STPG2: variants seen among roughly 807,000 people sequenced by gnomAD.
STPG2 encodes sperm tail PG-rich repeat containing 2.
Under a neutral mutation model 54.2 loss-of-function variants are expected in STPG2, and 56 were observed. The observed-to-expected ratio is 1.03, with a 90% CI of 0.83 to 1.29. The LOEUF (loss-of-function observed/expected upper bound fraction) is 1.29, where lower values mean the gene tolerates loss of function less well. Among genes scored for constraint, STPG2 ranks in the 50% most tolerant of loss-of-function variants. The pLI is 0.00. For synonymous variants in STPG2, 200 were observed against 181.8 expected, an observed-to-expected ratio of 1.10 and a Z score of -0.81; for missense variants, 596 against 544.9, an observed-to-expected ratio of 1.09 and a Z score of -0.93.
chr4:97,505,930 A>T (rs1355213564), intron 4 of STPG2, among the ~76,000 whole-genome samples: 4 of 149,236 alleles, frequency 2.7e-5, no homozygotes, highest in African/African-American at 7.4e-5. Context: ...AGAGGTTTTT[A>T]TATAAAATTG....
intron 10 of STPG2, among the ~76,000 whole-genome samples, chr4:97,697,912 G>A (rs1165106388): frequency 1.3e-5 from 2 of 152,174 alleles, no homozygotes; most frequent in African/African-American, 4.8e-5. Context: ...TTCTCGTGAG[G>A]AATGCTTTTA....
chr4:98,045,342 T>C (rs1737092256), intron 5 of STPG2, among the ~76,000 whole-genome samples: 1 of 152,168 alleles, frequency 6.6e-6, no homozygotes, highest in African/African-American at 2.4e-5. Context: ...TTCAGTTTTT[T>C]CCCTCTAAGA....
intron 8 of STPG2, among the ~76,000 whole-genome samples, chr4:97,892,103 C>A (rs181340822): frequency 6.6e-6 from 1 of 152,194 alleles, no homozygotes; most frequent in Non-Finnish European, 1.5e-5. Context: ...ACTTATCACA[C>A]CCTATTATAA....
chr4:97,944,895 A>G (rs1423065621), intron 7 of STPG2, among the ~76,000 whole-genome samples: 1 of 152,048 alleles, frequency 6.6e-6, no homozygotes, highest in Non-Finnish European at 1.5e-5. Context: ...CAACCTATCC[A>G]CTCCAGATAA....
At chr4:97,664,312 T>A (rs983256692) in intron 10 of STPG2, among the ~76,000 whole-genome samples, 2 of 152,212 alleles carry the variant, frequency 1.3e-5, no homozygotes, top group Non-Finnish European at 2.9e-5. Flanking sequence ...ATTGATTCTG[T>A]CTGATTCCAA....
intron 10 of STPG2, among the ~76,000 whole-genome samples, chr4:97,612,091 T>A (rs28651126): frequency 0.64 from 96,874 of 151,506 alleles, 31,329 homozygotes; most frequent in African/African-American, 0.73. Flanking sequence ...AGAAAAGAAT[T>A]TAATAATTGA....
In STPG2 at chr4:97,727,013, A is replaced by C. The variant is rs150014598; in HGVS notation, c.1205-14199T>G. On this transcript the variant is annotated intron_variant, in intron 9 of 10. Transcript: ENST00000295268. The stretch of plus-strand genomic sequence containing the variant: ...AAAACTATATGTTCTGTAGAGATAG[A>C]AACAAGGTTTTGAAAAGAAGGGAAT... 4.6e-3 allele frequency among the ~76,000 whole-genome samples: 692 copies of C among 152,040 alleles called. 7 individuals carry two copies. The highest frequency in any genetic ancestry group is 0.016 in the African/African-American group (665 of 41,552).
intron 9 of STPG2, among the ~76,000 whole-genome samples, chr4:97,731,356 C>G (rs1461144332): frequency 6.6e-6 from 1 of 152,024 alleles, no homozygotes; most frequent in Non-Finnish European, 1.5e-5. Flanking sequence ...TGTTCGGTGG[C>G]GTCATTTAGG....
intron 5 of STPG2, among the ~76,000 whole-genome samples, chr4:97,991,379 A>G (rs1735004518): frequency 6.6e-6 from 1 of 150,656 alleles, no homozygotes; most frequent in African/African-American, 2.4e-5. Context: ...ATATATATGT[A>G]TATATATGTG....
intron 10 of STPG2, among the ~76,000 whole-genome samples, chr4:97,564,466 G>C (rs548583333): frequency 2.0e-5 from 3 of 152,162 alleles, no homozygotes; most frequent in East Asian, 3.9e-4. Context: ...GTGTATTTGA[G>C]CCTGTCATTA....
intron 5 of STPG2, among the ~76,000 whole-genome samples, chr4:98,068,598 C>T (rs564477102): frequency 2.6e-5 from 4 of 152,102 alleles, no homozygotes; most frequent in Non-Finnish European, 5.9e-5. Flanking sequence ...TTCCCTTAGA[C>T]ATGTTTAGGG....
intron 7 of STPG2, among the ~76,000 whole-genome samples, chr4:97,964,756 C>G (rs1734027649): frequency 6.6e-6 from 1 of 152,150 alleles, no homozygotes; most frequent in African/African-American, 2.4e-5. Context: ...TAAAATCACA[C>G]TATACATCTT....
At chr4:97,572,833 G>C (rs1732634331) in intron 10 of STPG2, 1 of 152,004 alleles carries the variant, frequency 6.6e-6, no homozygotes, top group Admixed American at 6.6e-5. Context: ...CTTTAAATAG[G>C]AGAAATAAGA....
At chr4:97,880,292 T>G (rs1387097682) in intron 8 of STPG2, among the ~76,000 whole-genome samples, 1 of 152,200 alleles carries the variant, frequency 6.6e-6, no homozygotes, top group Admixed American at 6.5e-5. Flanking sequence ...CATTTGAAGC[T>G]TCTCATTTTG....
intron 5 of STPG2, among the ~76,000 whole-genome samples, chr4:98,049,483 A>C (rs1221240250): frequency 6.6e-6 from 1 of 152,216 alleles, no homozygotes; most frequent in African/African-American, 2.4e-5. Flanking sequence ...ACTATCAAAA[A>C]CAGAACATAT....
chr4:97,742,548 TG>T (rs1725284696), intron 9 of STPG2, among the ~76,000 whole-genome samples: 8 of 144,460 alleles, frequency 5.5e-5, no homozygotes, highest in Non-Finnish European at 1.5e-5. Flanking sequence ...TGTGTGTGTG[TG>T]TGTGTGTGTG....
chr4:97,644,083 TA>T (rs1721839949), intron 10 of STPG2, among the ~76,000 whole-genome samples: 1 of 151,944 alleles, frequency 6.6e-6, no homozygotes, highest in South Asian at 2.1e-4. Flanking sequence ...GAATGAAATT[TA>T]AAGAGGGGGT....
intron 10 of STPG2, among the ~76,000 whole-genome samples, chr4:97,567,921 A>G (rs191355674): frequency 6.6e-6 from 1 of 152,196 alleles, no homozygotes; most frequent in Non-Finnish European, 1.5e-5. Context: ...GAAATTATTT[A>G]CCTACAAAGA....
intron 10 of STPG2, among the ~76,000 whole-genome samples, chr4:97,579,009 ATCAC>A (rs1732795835): frequency 6.6e-6 from 1 of 152,152 alleles, no homozygotes; most frequent in African/African-American, 2.4e-5. Flanking sequence ...TAAAAAATAA[ATCAC>A]TCATCTGTTT....
Sources: allele counts gnomAD v4.1 joint callset (sites outside exome capture counted in the v4.1 genomes callset), GRCh38; gene constraint gnomAD v4.1.1; transcripts MANE v1.5; gene names NCBI Gene and HGNC (gene_info 2026-07-23, HGNC 2026-07-21).